The following PCSK2 variants were observed in gnomAD, a reference collection of about 807,000 sequenced individuals.
The protein encoded by PCSK2 is proprotein convertase subtilisin/kexin type 2, also known as neuroendocrine convertase 2.
Under a neutral mutation model 69.7 loss-of-function variants are expected in PCSK2, and 14 were observed. The observed-to-expected ratio is 0.20, with a 90% CI of 0.13 to 0.31. PCSK2 has a LOEUF of 0.31. Ranked by LOEUF, PCSK2 falls within the 10% of genes least tolerant of loss-of-function variation. PCSK2 has a pLI of 1.00. For missense variants in PCSK2, 544 were observed against 842.5 expected (o/e 0.65, Z 4.39); for synonymous variants, 307 against 320.7 (o/e 0.96, Z 0.46).
chr20:17,279,055 T>G (rs1988206449), intron 2 of PCSK2, among the ~76,000 whole-genome samples: 1 of 152,200 alleles, frequency 6.6e-6, no homozygotes, highest in South Asian at 2.1e-4. Flanking sequence ...TCACACCTCT[T>G]ACCCTAGCAC....
At chr20:17,400,724 C>A (rs2123287900) in intron 5 of PCSK2, among the ~76,000 whole-genome samples, 1 of 152,282 alleles carries the variant, frequency 6.6e-6, no homozygotes, top group South Asian at 2.1e-4. Context: ...CTATACTTAC[C>A]ATCAAGTCCA....
chr20:17,381,664 G>T (rs566404771), intron 5 of PCSK2, among the ~76,000 whole-genome samples: 83 of 152,086 alleles, frequency 5.5e-4, no homozygotes, highest in Non-Finnish European at 9.7e-4. Context: ...ATGAACACTG[G>T]GTCTTTGTTG....
At chr20:17,424,579 G>A (rs1245762683) in intron 6 of PCSK2, among the ~76,000 whole-genome samples, 2 of 151,928 alleles carry the variant, frequency 1.3e-5, no homozygotes, top group Admixed American at 6.6e-5. Flanking sequence ...TGTGACCTCC[G>A]CCTCTCTGGT....
intron 1 of PCSK2, among the ~76,000 whole-genome samples, chr20:17,249,866 A>G (rs1986910158): frequency 6.6e-6 from 1 of 152,164 alleles, no homozygotes; most frequent in Admixed American, 6.5e-5. Context: ...ACTGTGCAGT[A>G]GGTACAGAGT....
At chr20:17,367,965 G>A (rs1352572095) in intron 4 of PCSK2, among the ~76,000 whole-genome samples, 1 of 152,160 alleles carries the variant, frequency 6.6e-6, no homozygotes, top group Non-Finnish European at 1.5e-5. Flanking sequence ...ACTATAGAAA[G>A]CAGCCATAGT....
intron 8 of PCSK2, among the ~76,000 whole-genome samples, chr20:17,441,306 G>A (rs1309228555): frequency 6.6e-6 from 1 of 152,192 alleles, no homozygotes; most frequent in Admixed American, 6.5e-5. Context: ...AACTTGCAGG[G>A]TCAGAGGCCA....
chr20:17,254,042 C>T (rs903219363), intron 1 of PCSK2, among the ~76,000 whole-genome samples: 5 of 152,152 alleles, frequency 3.3e-5, no homozygotes, highest in Middle Eastern at 3.2e-3. Flanking sequence ...CTCTAATTTG[C>T]ACATTTTTAA....
intron 7 of PCSK2, among the ~76,000 whole-genome samples, chr20:17,432,149 G>A (rs996415719): frequency 2.6e-5 from 4 of 152,198 alleles, no homozygotes; most frequent in African/African-American, 9.7e-5. Flanking sequence ...GAACAGAAGA[G>A]AGCATTGAGC....
At chr20:17,417,910 G>T (rs1157079120) in intron 6 of PCSK2, among the ~76,000 whole-genome samples, 1 of 152,110 alleles carries the variant, frequency 6.6e-6, no homozygotes, top group African/African-American at 2.4e-5. Flanking sequence ...GTATGTTTTT[G>T]ATTTTTTTCT....
chr20:17,440,037 G>A (rs959461274), intron 8 of PCSK2, among the ~76,000 whole-genome samples: 2 of 152,352 alleles, frequency 1.3e-5, no homozygotes, highest in African/African-American at 4.8e-5. Flanking sequence ...CACAGCAGCA[G>A]GTCCGTCCTG....
intron 1 of PCSK2, among the ~76,000 whole-genome samples, chr20:17,236,044 C>G (rs1399460307): frequency 2.0e-5 from 3 of 151,944 alleles, no homozygotes; most frequent in Non-Finnish European, 4.4e-5. Flanking sequence ...TTTTAATTAT[C>G]TCAAATCTCA....
chr20:17,261,662 C>T (rs546151860), intron 2 of PCSK2, among the ~76,000 whole-genome samples: 1 of 152,290 alleles, frequency 6.6e-6, no homozygotes, highest in Admixed American at 6.5e-5. Context: ...TAACCTTGGC[C>T]TTGGCTATAC....
At chr20:17,232,858 T>C (rs1986192651) in intron 1 of PCSK2, among the ~76,000 whole-genome samples, 1 of 152,182 alleles carries the variant, frequency 6.6e-6, no homozygotes, top group Non-Finnish European at 1.5e-5. Context: ...CTAAGAAGAC[T>C]TTAAGGGACA....
intron 6 of PCSK2, among the ~76,000 whole-genome samples, chr20:17,426,101 C>T (rs1271266317): frequency 4.6e-5 from 7 of 152,158 alleles, no homozygotes; most frequent in Non-Finnish European, 8.8e-5. Flanking sequence ...CCACTGAAAT[C>T]TCATCTTGAA....
chr20:17,441,368 G>A (rs1295128911), intron 8 of PCSK2, among the ~76,000 whole-genome samples: 6 of 152,204 alleles, frequency 3.9e-5, no homozygotes, highest in Non-Finnish European at 7.3e-5. Flanking sequence ...GGACATCAAA[G>A]GGTAGTTGTC....
chr20:17,369,337 G>A (rs2123230242), intron 5 of PCSK2, 60 bp downstream of exon 5: 1 of 1,380,800 alleles, frequency 7.2e-7, no homozygotes, highest in Admixed American at 1.7e-5. Flanking sequence ...TGGTGTCCCT[G>A]GCTATTAGGA....
At chr20:17,326,296 T>C (rs1160321214) in intron 2 of PCSK2, among the ~76,000 whole-genome samples, 4 of 152,228 alleles carry the variant, frequency 2.6e-5, no homozygotes, top group African/African-American at 7.2e-5. Flanking sequence ...TGAAAAGCTG[T>C]CAGAGACAGT....
At position 17,277,479 on chromosome 20, in the gene PCSK2, G is replaced by A. The variant is rs377391602; in HGVS notation, c.282+17135G>A. 7.9e-5 allele frequency among the ~76,000 whole-genome samples: 12 copies of A among 152,104 alleles called. No homozygotes were observed. The East Asian group carries it at 9.7e-4, about 12-fold the overall frequency. ...AACAAGCAATGGGGAAAGGATTCCC[G>A]ATTTAATAAATGGTGCTGGGAAAAC... On this transcript the variant is annotated intron_variant, in intron 2 of 11. Coordinates refer to ENST00000262545, the MANE Select transcript of PCSK2 (RefSeq NM_002594.5).
intron 2 of PCSK2, among the ~76,000 whole-genome samples, chr20:17,272,472 A>T (rs1987907208): frequency 1.3e-5 from 2 of 152,080 alleles, no homozygotes; most frequent in South Asian, 4.1e-4. Context: ...AAAACAAGGA[A>T]CCTTTAAAAA....
Sources: allele counts gnomAD v4.1 joint callset (sites outside exome capture counted in the v4.1 genomes callset), GRCh38; gene constraint gnomAD v4.1.1; transcripts MANE v1.5; gene names NCBI Gene and HGNC (gene_info 2026-07-23, HGNC 2026-07-21).